ABLIM2: variants seen among roughly 807,000 people sequenced by gnomAD.
ABLIM2 encodes the protein actin binding LIM protein family member 2.
Under a neutral mutation model 97.7 loss-of-function variants are expected in ABLIM2, and 53 were observed. The ratio of observed to expected loss-of-function variants is 0.54; its 90% CI spans 0.44 to 0.68. The LOEUF (loss-of-function observed/expected upper bound fraction) is 0.68, where lower values mean the gene tolerates loss of function less well. ABLIM2 is among the 30% of genes least tolerant of loss of function. ABLIM2 has a pLI of 0.00. For missense variants in ABLIM2, 835 were observed against 867.2 expected (o/e 0.96, Z 0.47); for synonymous variants, 361 against 345.8 (o/e 1.04, Z -0.49).
chr4:8,016,427 G>A (rs1044050394), intron 14 of ABLIM2, among the ~76,000 whole-genome samples: 1 of 152,112 alleles, frequency 6.6e-6, no homozygotes, highest in African/African-American at 2.4e-5. Context: ...GATATCAAGT[G>A]TCGTGTGTCA....
chr4:7,978,934 C>A (rs1035878822), intron 20 of ABLIM2, among the ~76,000 whole-genome samples: 2 of 152,148 alleles, frequency 1.3e-5, no homozygotes, highest in African/African-American at 4.8e-5. Flanking sequence ...ACGGCAGGGG[C>A]GCCTCCTGAG....
chr4:8,037,942 T>C (rs940407712), intron 9 of ABLIM2, among the ~76,000 whole-genome samples: 2 of 151,296 alleles, frequency 1.3e-5, no homozygotes, highest in Non-Finnish European at 3.0e-5. Flanking sequence ...TCCTCCGCGG[T>C]ACCCCACTGT....
intron 6 of ABLIM2, among the ~76,000 whole-genome samples, chr4:8,063,370 G>C (rs1016233248): frequency 6.6e-6 from 1 of 152,186 alleles, no homozygotes; most frequent in Non-Finnish European, 1.5e-5. Flanking sequence ...CAGCCTTCTG[G>C]GACAGTTTCT....
chr4:8,145,900 G>A (rs750069345), intron 1 of ABLIM2, among the ~76,000 whole-genome samples: 33 of 152,204 alleles, frequency 2.2e-4, no homozygotes, highest in Non-Finnish European at 3.4e-4. Context: ...GCCAGCCGCC[G>A]GGGAGGCTGA....
intron 1 of ABLIM2, among the ~76,000 whole-genome samples, chr4:8,138,222 T>G (rs74758736): frequency 0.033 from 4,986 of 152,202 alleles, 237 homozygotes; most frequent in African/African-American, 0.11. Flanking sequence ...TGAAAAAGGT[T>G]CTATGGATAG....
chr4:8,084,395 C>T (rs778311822), intron 4 of ABLIM2, among the ~76,000 whole-genome samples: 27 of 152,082 alleles, frequency 1.8e-4, no homozygotes, highest in Non-Finnish European at 2.5e-4. Flanking sequence ...GGCCTCACCT[C>T]GAGGCTCTCC....
intron 4 of ABLIM2, 110 bp from the exon 5 acceptor site, chr4:8,080,912 G>A (rs1819418271): frequency 7.3e-7 from 1 of 1,364,340 alleles, no homozygotes; most frequent in South Asian, 1.5e-5. Context: ...GGGAGGGGCG[G>A]GACAGACCAG....
intron 17 of ABLIM2, among the ~76,000 whole-genome samples, chr4:7,985,804 G>T (rs1244960959): frequency 1.3e-5 from 2 of 152,168 alleles, no homozygotes; most frequent in South Asian, 4.1e-4. Flanking sequence ...CCATTTTAGC[G>T]CATTGAGACC....
intron 3 of ABLIM2, among the ~76,000 whole-genome samples, chr4:8,093,135 C>T (rs191571408): frequency 1.3e-3 from 194 of 152,328 alleles, no homozygotes; most frequent in Admixed American, 5.6e-3. Context: ...AGGCGTGAGC[C>T]ACCGCACCCA....
At position 8,158,706 on chromosome 4, in the gene ABLIM2, A is replaced by C. The variant is rs1402966375; in HGVS notation, c.-17T>G. The C allele has an allele frequency of 6.9e-7, 1 of 1,452,528 alleles. No homozygotes were observed. Among genetic ancestry groups the C allele is most frequent in the Non-Finnish European group, 9.1e-7 (1 of 1,103,422 alleles). The allele number at this position is 1,452,528 out of a possible 1,614,324, so 90.0% of individuals were successfully genotyped here. On this transcript the variant is annotated 5_prime_UTR_variant, in exon 1 of 21. Coordinates refer to ENST00000447017, the MANE Select transcript of ABLIM2 (RefSeq NM_001130083.2). The stretch of plus-strand genomic sequence containing the variant: ...TGCACTCATCTCAGCAGCCGCTCGG[A>C]GTCGGGGCGGCCCGGCGCTGCGACA...
At chr4:8,026,840 G>A (rs1026248545) in intron 12 of ABLIM2, among the ~76,000 whole-genome samples, 2 of 150,906 alleles carry the variant, frequency 1.3e-5, no homozygotes, top group Non-Finnish European at 3.0e-5. Context: ...TGTCTGCAGT[G>A]GCCTTTTACC....
At chr4:8,143,242 G>C (rs534619023) in intron 1 of ABLIM2, among the ~76,000 whole-genome samples, 27 of 150,874 alleles carry the variant, frequency 1.8e-4, no homozygotes, top group African/African-American at 5.9e-4. Context: ...CCAGGCATCT[G>C]CCTGTTGTAC....
At chr4:8,086,147 G>A (rs1487597781) in intron 4 of ABLIM2, among the ~76,000 whole-genome samples, 1 of 152,176 alleles carries the variant, frequency 6.6e-6, no homozygotes, top group Non-Finnish European at 1.5e-5. Context: ...CAGGCTGGGG[G>A]AAGGGGCAGG....
chr4:7,982,466 G>C (rs1478373799), intron 20 of ABLIM2, among the ~76,000 whole-genome samples: 1 of 152,248 alleles, frequency 6.6e-6, no homozygotes, highest in Non-Finnish European at 1.5e-5. Context: ...AGGAGTAACA[G>C]AGGATTGCAC....
rs999484088 is a variant in ABLIM2 at position 8,127,775 on chromosome 4, T to A, written c.11-21138A>T. 1.1e-6 allele frequency: 1 copy of A among 908,664 alleles called. No homozygotes were observed. The highest frequency in any genetic ancestry group is 2.0e-5 in the African/African-American group (1 of 49,084). The allele number at this position is 908,664 out of a possible 1,614,324, so 56.3% of individuals were successfully genotyped here. On this transcript the variant is annotated intron_variant, in intron 1 of 20. Coordinates refer to ENST00000447017, the MANE Select transcript of ABLIM2 (RefSeq NM_001130083.2). The surrounding 1 kb of genome is among the most constrained non-coding windows in gnomAD (Gnocchi z 7.3). ...CCCTTCCCGGCACACTGAAATAGAC[T>A]CCCGCCACACTATGCGCCAGAGACA...
At position 8,043,208 on chromosome 4, in the gene ABLIM2, G is replaced by A. The variant is rs144537169; in HGVS notation, c.900+1956C>T. Among the ~76,000 whole-genome samples the A allele has an allele frequency of 2.9e-3, 437 of 152,236 alleles. 2 individuals carry two copies. Among genetic ancestry groups the A allele is most frequent in the South Asian group, 8.7e-3 (42 of 4,824 alleles). On this transcript the variant is annotated intron_variant, in intron 9 of 20. Transcript: ENST00000447017. This position sits in a 1 kb window ranked among gnomAD's most constrained non-coding sequence, Gnocchi z 4.8. ...GGGTCTTTGGACCTGCGTCCCTGAA[G>A]GCTCCTGTGTCACCTAAAACTTTGA...
chr4:8,093,433 C>T (rs1439968456), intron 3 of ABLIM2, among the ~76,000 whole-genome samples: 1 of 152,180 alleles, frequency 6.6e-6, no homozygotes, highest in African/African-American at 2.4e-5. Context: ...CTAAAAAAGT[C>T]TTTATCGTGC....
chr4:8,080,177 G>C (rs1818868610), intron 5 of ABLIM2, among the ~76,000 whole-genome samples: 1 of 152,208 alleles, frequency 6.6e-6, no homozygotes, highest in African/African-American at 2.4e-5. Flanking sequence ...GCTGCCCCAG[G>C]GGCCCCCGCT....
At chr4:7,971,339 C>A (rs905862935) in intron 20 of ABLIM2, among the ~76,000 whole-genome samples, 2 of 152,280 alleles carry the variant, frequency 1.3e-5, no homozygotes, top group East Asian at 3.9e-4. Flanking sequence ...GTGCACCTCA[C>A]CCCCAGGGCC....
Sources: gnomAD v4.1 joint callset for allele counts (sites outside exome capture counted in the v4.1 genomes callset) on GRCh38, gnomAD v4.1.1 for gene constraint, Gnocchi (gnomAD v3.1) non-coding constraint, MANE v1.5 for transcripts, NCBI Gene and HGNC (gene_info 2026-07-23, HGNC 2026-07-21) for gene names.